The following HMGN1 variants were observed in gnomAD, a reference collection of about 807,000 sequenced individuals.
HMGN1 encodes high mobility group nucleosome binding domain 1.
A neutral mutation model predicts 18.4 loss-of-function variants in HMGN1; 9 were observed. The observed-to-expected ratio is 0.49, with a 90% CI of 0.29 to 0.85. HMGN1 has a LOEUF of 0.85. Ranked by LOEUF, HMGN1 falls within the 40% of genes least tolerant of loss-of-function variation. The pLI is 0.07. For synonymous variants in HMGN1, 59 were observed against 45.0 expected, an observed-to-expected ratio of 1.31 and a Z score of -1.24; for missense variants, 151 against 119.2, an observed-to-expected ratio of 1.27 and a Z score of -1.24.
rs1444250322 is a variant in HMGN1 at position 39,348,676 on chromosome 21, G to A, written c.16-99C>T. On this transcript the variant is annotated intron_variant, in intron 1 of 5. Transcript: ENST00000380749. ...CAATGCCCGGCCGCGTGACGTCACG[G>A]CTTCCCGCCGCCCCGTTCGAATAGC... 5.1e-6 allele frequency: 7 copies of A among 1,384,868 alleles called. 1 individual carries two copies. In the South Asian group the frequency reaches 9.6e-5, roughly 19 times the overall value. 85.8% of individuals were successfully genotyped at this position (1,384,868 alleles called of 1,614,324 possible).
rs2036919004 is a variant in HMGN1 at position 39,343,094 on chromosome 21, A to C, written c.*18T>G. 7.0e-7 allele frequency: 1 copy of C among 1,429,032 alleles called. No individual in the cohort carries two copies. Among genetic ancestry groups the C allele is most frequent in the Non-Finnish European group, 9.8e-7 (1 of 1,017,640 alleles). The allele number at this position is 1,429,032 out of a possible 1,614,324, so 88.5% of individuals were successfully genotyped here. On this transcript the variant is annotated 3_prime_UTR_variant, in exon 6 of 6. Coordinates refer to ENST00000380749, the MANE Select transcript of HMGN1 (RefSeq NM_004965.7). ...AGAAGGGAGACAGGGACCACTGATA[A>C]GACATGGTATATGGTTATTAATCAG...
At chr21:39,347,802 A>G (rs2037109037) in intron 4 of HMGN1, 2 of 329,952 alleles carry the variant, frequency 6.1e-6, no homozygotes, top group Admixed American at 5.3e-5. Context: ...ACACTTCCAG[A>G]GTAGTGGCGG....
chr21:39,347,904 A>AT, intron 4 of HMGN1: 24 of 1,029,590 alleles, frequency 2.3e-5, no homozygotes, highest in Non-Finnish European at 2.8e-5. Context: ...AACTGTATAT[A>AT]TAAAAACTTA....
chr21:39,343,436 T>C lies in HMGN1; in HGVS notation c.256-277A>G, dbSNP rs1441518822. Reference sequence around the variant, plus strand: ...GGTCACTCTGTCTTCTTGTTTCAGCTCTAATGCCGTAAACAACTGTTTTTC... The same window carrying C: ...GGTCACTCTGTCTTCTTGTTTCAGCCCTAATGCCGTAAACAACTGTTTTTC... On this transcript the variant is annotated intron_variant, in intron 5 of 5. Transcript: ENST00000380749. 3.9e-5 allele frequency among the ~76,000 whole-genome samples: 6 copies of C among 152,192 alleles called. No homozygotes were observed. The East Asian group carries it at 1.2e-3, about 29-fold the overall frequency.
At chr21:39,343,471 T>C (rs1362623193) in intron 5 of HMGN1, among the ~76,000 whole-genome samples, 1 of 152,222 alleles carries the variant, frequency 6.6e-6, no homozygotes, top group East Asian at 1.9e-4. Flanking sequence ...CCGGTCTACT[T>C]AGTGCCACAT....
At chr21:39,347,532 CA>C in intron 4 of HMGN1, 5 of 645,026 alleles carry the variant, frequency 7.8e-6, no homozygotes, top group Non-Finnish European at 1.0e-5. Context: ...TTTGAGACTT[CA>C]AATAGCAAAC....
intron 1 of HMGN1, 68 bp downstream of exon 1, chr21:39,348,835 C>T: frequency 9.6e-7 from 1 of 1,044,516 alleles, no homozygotes; most frequent in Non-Finnish European, 1.2e-6. Flanking sequence ...GGGCCTGGGC[C>T]TCGCGGGGCC....
intron 4 of HMGN1, chr21:39,347,417 A>C (rs2037094278): frequency 1.6e-6 from 2 of 1,263,402 alleles, no homozygotes; most frequent in Admixed American, 2.6e-5. Flanking sequence ...TTATCCAACA[A>C]CTCCTCAATG....
chr21:39,345,560 A>G, intron 4 of HMGN1: 1 of 476,898 alleles, frequency 2.1e-6, no homozygotes, highest in Non-Finnish European at 3.8e-6. Context: ...CCCCCCCAGT[A>G]ATCAGGAAAA....
chr21:39,344,461 A>G (rs943486554), intron 5 of HMGN1: 1 of 152,170 alleles, frequency 6.6e-6, no homozygotes, highest in South Asian at 2.1e-4. Context: ...AGCTTAGCTA[A>G]TATAACAAAC....
intron 4 of HMGN1, 164 bp downstream of exon 4, chr21:39,348,128 T>C: frequency 1.1e-6 from 1 of 944,634 alleles, no homozygotes; most frequent in Non-Finnish European, 1.6e-6. Context: ...TAAACCAGGA[T>C]GAATATATCC....
intron 5 of HMGN1, chr21:39,344,605 C>G (rs1041931453): frequency 6.5e-6 from 1 of 152,882 alleles, no homozygotes; most frequent in Non-Finnish European, 1.5e-5. Flanking sequence ...TGTTCCTTCT[C>G]TACTCCCACT....
At chr21:39,345,056 T>A in intron 5 of HMGN1, 90 bp downstream of exon 5, 1 of 1,406,272 alleles carries the variant, frequency 7.1e-7, no homozygotes, top group Non-Finnish European at 9.5e-7. Flanking sequence ...TGAATACTGT[T>A]ATCTGCTACA....
chr21:39,345,109 T>TCTCACACA (rs1555883774), intron 5 of HMGN1, 37 bp downstream of exon 5: 67 of 1,411,044 alleles, frequency 4.7e-5, no homozygotes, highest in Non-Finnish European at 6.1e-5. Context: ...GTCAAAGCAA[T>TCTCACACA]CACACACACA....
chr21:39,348,614 C>T (rs1452478069), intron 1 of HMGN1, 37 bp from the exon 2 acceptor site: 2 of 1,555,372 alleles, frequency 1.3e-6, no homozygotes, highest in African/African-American at 1.4e-5. Context: ...AGGCGGGCCG[C>T]AGTCCCAGGA....
At chr21:39,344,552 T>C (rs1024452115) in intron 5 of HMGN1, 1 of 152,430 alleles carries the variant, frequency 6.6e-6, no homozygotes, top group African/African-American at 2.4e-5. Flanking sequence ...AGGAGTGCAG[T>C]AGTGCTCACA....
At chr21:39,347,224 G>GT in intron 4 of HMGN1, 1 of 516,154 alleles carries the variant, frequency 1.9e-6, no homozygotes, top group Non-Finnish European at 2.7e-6. Flanking sequence ...GAAATTTAAA[G>GT]TTGAAAAATA....
intron 4 of HMGN1, chr21:39,347,630 G>A (rs2037102490): frequency 5.7e-6 from 2 of 352,738 alleles, no homozygotes; most frequent in African/African-American, 2.2e-5. Flanking sequence ...CAAACACAAA[G>A]CTTATACTTG....
chr21:39,347,447 C>G (rs985625688), intron 4 of HMGN1: 2 of 1,294,466 alleles, frequency 1.5e-6, no homozygotes, highest in African/African-American at 3.1e-5. Flanking sequence ...TTAATCTTGC[C>G]TCTTCTGATG....
Sources: allele counts gnomAD v4.1 joint callset (sites outside exome capture counted in the v4.1 genomes callset), GRCh38; gene constraint gnomAD v4.1.1; transcripts MANE v1.5; gene names NCBI Gene and HGNC (gene_info 2026-07-23, HGNC 2026-07-21).